The following KDM5A variants were observed in gnomAD, a reference collection of about 807,000 sequenced individuals.
The protein encoded by KDM5A is lysine demethylase 5A.
A neutral mutation model predicts 193.5 loss-of-function variants in KDM5A; 42 were observed. That is an observed-to-expected ratio of 0.22 (90% CI 0.17 to 0.28). KDM5A has a LOEUF of 0.28. Ranked by LOEUF, KDM5A falls within the 10% of genes least tolerant of loss-of-function variation. The pLI, the probability that KDM5A is intolerant of heterozygous loss-of-function variation, is 1.00. For synonymous variants in KDM5A, 796 were observed against 718.1 expected (o/e 1.11, Z -1.73); for missense variants, 1,692 against 2,055.1 (o/e 0.82, Z 3.42).
intron 24 of KDM5A, among the ~76,000 whole-genome samples, chr12:305,045 C>T (rs1028091711): frequency 1.3e-5 from 2 of 152,048 alleles, no homozygotes; most frequent in Non-Finnish European, 2.9e-5. Flanking sequence ...AAGAATGTAC[C>T]GCTGTGTGTG....
At chr12:340,754 G>A (rs1943994938) in intron 10 of KDM5A, among the ~76,000 whole-genome samples, 1 of 142,376 alleles carries the variant, frequency 7.0e-6, no homozygotes, top group African/African-American at 2.6e-5. Context: ...CAGAAACTAT[G>A]AGATAATGAA....
In KDM5A at chr12:323,329, G is replaced by A; in HGVS notation, c.2151-123C>T. 5.0e-6 allele frequency: 6 copies of A among 1,188,986 alleles called. No homozygotes were observed. In the South Asian group the frequency reaches 7.5e-5, roughly 15 times the overall value. 73.7% of individuals were successfully genotyped at this position (1,188,986 alleles called of 1,614,324 possible). A position where few individuals can be genotyped will look rare whatever the true frequency, so the allele number is the denominator to read the frequency against. The stretch of plus-strand genomic sequence containing the variant: ...GCTTAAGGAAAATACAATGGCCAAG[G>A]GAATGGGATCTTAGTTCACATAAAG... On this transcript the variant is annotated intron_variant, in intron 15 of 27. Coordinates refer to ENST00000399788, the MANE Select transcript of KDM5A (RefSeq NM_001042603.3).
chr12:367,352 A>T (rs765953063), intron 3 of KDM5A, among the ~76,000 whole-genome samples: 4 of 150,396 alleles, frequency 2.7e-5, no homozygotes. Flanking sequence ...GGAGTTTCAA[A>T]CCATGCTGGA....
Position 388,917 on chromosome 12 carries a change from A to G in KDM5A, c.165+10T>C, listed in dbSNP as rs374806475. ...TCCTTCTCCCCCTCTCTCTTCACAG[A>G]CTGAGGTACCTTGGGCGGCCGAATT... is the stretch of plus-strand genomic sequence containing the variant. On this transcript the variant is annotated intron_variant, in intron 1 of 27. Coordinates refer to ENST00000399788, the MANE Select transcript of KDM5A (RefSeq NM_001042603.3). 6.2e-7 allele frequency: 1 copy of G among 1,614,072 alleles called. No individual in the cohort carries two copies. The highest frequency in any genetic ancestry group is 1.3e-5 in the African/African-American group (1 of 75,020).
In KDM5A at chr12:307,912, T is replaced by C. The variant is rs1365933800; in HGVS notation, c.3472A>G (p.Ile1158Val). The C allele has an allele frequency of 1.7e-5, 27 of 1,614,066 alleles. No homozygotes were observed. Among genetic ancestry groups the C allele is most frequent in the Middle Eastern group, 1.6e-4 (1 of 6,084 alleles). The change falls in exon 23 of 28, where the codon ATA (isoleucine) becomes GTA (valine). Residue 1158 changes from isoleucine to valine, a missense_variant. Ile to Val is a conservative substitution (Grantham distance 29). Transcript: ENST00000399788. The surrounding 1 kb of genome is among the most constrained non-coding windows in gnomAD (Gnocchi z 4.3). ...NLAKMTMVDR[I>V]EEVKFCICRK... Reference sequence around the variant, plus strand: ...CAAATGCAAAATTTTACTTCTTCTATGCGGTCCACCATTGTCATCTTGGCT... The same window carrying C: ...CAAATGCAAAATTTTACTTCTTCTACGCGGTCCACCATTGTCATCTTGGCT...
intron 10 of KDM5A, among the ~76,000 whole-genome samples, chr12:344,590 G>C (rs1046177906): frequency 1.1e-4 from 16 of 152,228 alleles, no homozygotes; most frequent in African/African-American, 3.9e-4. Context: ...CTACAAGCCA[G>C]AAGAGAGTGG....
At position 284,153 on chromosome 12, in the gene KDM5A, A is replaced by G. The variant is rs1340952885; in HGVS notation, c.*1303T>C. The G allele has an allele frequency of 8.7e-6, 2 of 230,540 alleles. No individual in the cohort carries two copies. The highest frequency in any genetic ancestry group is 8.6e-6 in the Non-Finnish European group (1 of 116,336). 14.3% of individuals were successfully genotyped at this position (230,540 alleles called of 1,614,324 possible). A position where few individuals can be genotyped will look rare whatever the true frequency, so the allele number is the denominator to read the frequency against. ...GATTTTTTTTTTTAAAGCAAAAAAG[A>G]AAAAGCAAGCCCCCAAATGGATTTT... On this transcript the variant is annotated 3_prime_UTR_variant, in exon 28 of 28. Transcript: ENST00000399788.
At chr12:387,166 T>C (rs1184078608) in intron 1 of KDM5A, 2 of 292,252 alleles carry the variant, frequency 6.8e-6, no homozygotes, top group Non-Finnish European at 1.3e-5. Context: ...CTAAATAACA[T>C]AGTTTGATTT....
At chr12:323,250 A>G in intron 15 of KDM5A, 44 bp from the exon 16 acceptor site, 1 of 1,496,860 alleles carries the variant, frequency 6.7e-7, no homozygotes, top group Non-Finnish European at 8.9e-7. Flanking sequence ...GAAAACAGAA[A>G]TAAAAACCTC....
At chr12:286,529 C>A (rs1375988193) in intron 27 of KDM5A, among the ~76,000 whole-genome samples, 1 of 152,196 alleles carries the variant, frequency 6.6e-6, no homozygotes, top group Non-Finnish European at 1.5e-5. Context: ...ATGAAAAGAG[C>A]TACTCTTCCT....
intron 20 of KDM5A, among the ~76,000 whole-genome samples, chr12:312,462 A>G (rs375474381): frequency 6.6e-6 from 1 of 152,232 alleles, no homozygotes; most frequent in African/African-American, 2.4e-5. Flanking sequence ...AATTTGAAGA[A>G]TACAGTAGGT....
At chr12:364,496 A>G (rs1334847226) in intron 4 of KDM5A, among the ~76,000 whole-genome samples, 1 of 148,342 alleles carries the variant, frequency 6.7e-6, no homozygotes, top group Non-Finnish European at 1.5e-5. Context: ...AAAAATTTAC[A>G]CATAAACGGC....
rs577464925 is a variant in KDM5A at position 366,181 on chromosome 12, T to C, written c.367-77A>G. ...TGACTCTTAAGTCTTGTCTACTAAA[T>C]AGAAAAATTATTCAGGGCTTAAATT... On this transcript the variant is annotated intron_variant, in intron 3 of 27. Coordinates refer to ENST00000399788, the MANE Select transcript of KDM5A (RefSeq NM_001042603.3). 1.5e-3 allele frequency: 1,960 copies of C among 1,279,076 alleles called. 7 individuals carry two copies. Among genetic ancestry groups the C allele is most frequent in the South Asian group, 2.7e-3 (214 of 79,192 alleles). The allele number at this position is 1,279,076 out of a possible 1,614,324, so 79.2% of individuals were successfully genotyped here. A position where few individuals can be genotyped will look rare whatever the true frequency, so the allele number is the denominator to read the frequency against.
At position 292,643 on chromosome 12, in the gene KDM5A, T is replaced by C. The variant is rs1001867261; in HGVS notation, c.4866+116A>G. On this transcript the variant is annotated intron_variant, in intron 27 of 27. Coordinates refer to ENST00000399788, the MANE Select transcript of KDM5A (RefSeq NM_001042603.3). ...TATAGAAATTGTACAAAAGACATTA[T>C]GTTGGAAGTCCAAATCCTAGAACCA... 2.3e-5 allele frequency: 29 copies of C among 1,249,688 alleles called. No homozygotes were observed. In the African/African-American group the frequency reaches 2.9e-4, roughly 13 times the overall value. 77.4% of individuals were successfully genotyped at this position (1,249,688 alleles called of 1,614,324 possible).
rs1943887370 is a variant in KDM5A at position 333,425 on chromosome 12, AAAG to A, written c.1653+59_1653+61del. On this transcript the variant is annotated intron_variant, in intron 12 of 27. Coordinates refer to ENST00000399788, the MANE Select transcript of KDM5A (RefSeq NM_001042603.3). ...CAGAGCAAGACCCTGTTTCAAAAAA[AAAG>A]AAAAAAGAAAAAACAAACAAACAAA... 71 of 1,593,786 alleles carry A rather than the reference AAAG, an allele frequency of 4.5e-5. No individual in the cohort carries two copies. In the East Asian group the frequency reaches 1.6e-3, roughly 35 times the overall value.
intron 14 of KDM5A, 146 bp downstream of exon 14, chr12:328,689 C>A (rs1232028151): frequency 1.4e-6 from 1 of 720,860 alleles, no homozygotes; most frequent in East Asian, 2.7e-5. Flanking sequence ...ATCAATATGT[C>A]AATTATAAAA....
chr12:313,281 A>G (rs774914309), intron 19 of KDM5A, 87 bp from the exon 20 acceptor site: 79 of 1,453,184 alleles, frequency 5.4e-5, no homozygotes, highest in Non-Finnish European at 7.0e-5. Context: ...TTTCATTTAC[A>G]TGATTTCACT....
chr12:334,506 T>A, intron 10 of KDM5A, 84 bp from the exon 11 acceptor site: 5 of 1,117,256 alleles, frequency 4.5e-6, no homozygotes, highest in South Asian at 2.5e-5. Context: ...TCCCAGAAAA[T>A]TTTTTTATAA....
intron 18 of KDM5A, among the ~76,000 whole-genome samples, chr12:320,052 T>C (rs1279876783): frequency 2.0e-5 from 3 of 151,964 alleles, no homozygotes; most frequent in Non-Finnish European, 4.4e-5. Context: ...GAACTGCCAA[T>C]GAGCTAAGAA....
Sources: gnomAD v4.1 joint callset for allele counts (sites outside exome capture counted in the v4.1 genomes callset) on GRCh38, gnomAD v4.1.1 for gene constraint, Gnocchi (gnomAD v3.1) non-coding constraint, MANE v1.5 for transcripts, NCBI Gene and HGNC (gene_info 2026-07-23, HGNC 2026-07-21) for gene names.